Variants in KCNK6 observed in about 807,000 individuals in gnomAD.
KCNK6 encodes potassium two pore domain channel subfamily K member 6.
Under a neutral mutation model 21.9 loss-of-function variants are expected in KCNK6, and 20 were observed. The ratio of observed to expected loss-of-function variants is 0.91; its 90% CI spans 0.64 to 1.32. The LOEUF (loss-of-function observed/expected upper bound fraction) is 1.32, where lower values mean the gene tolerates loss of function less well. KCNK6 is among the 40% of genes most tolerant of loss of function. KCNK6 has a pLI of 0.00. For missense variants in KCNK6, 415 were observed against 433.1 expected (o/e 0.96, Z 0.37); for synonymous variants, 210 against 218.0 (o/e 0.96, Z 0.32).
rs914002336 is a variant in KCNK6, at chr19:38,319,907, C to A, written c.-44C>A. 1.4e-4 allele frequency: 192 copies of A among 1,371,538 alleles called. No individual in the cohort carries two copies. The Middle Eastern group carries it at 2.4e-3, about 17-fold the overall frequency. 85.0% of individuals were successfully genotyped at this position (1,371,538 alleles called of 1,614,324 possible). On this transcript the variant is annotated 5_prime_UTR_variant, in exon 1 of 3. Coordinates refer to ENST00000263372, the MANE Select transcript of KCNK6 (RefSeq NM_004823.3). ...CCAGACGGTCCGGAGGCGGGGGCCA[C>A]GTCAGCGGGGCCACCCAGGGCTCGC...
rs75724541 is a variant in KCNK6, at chr19:38,320,957, C to T, written c.322+685C>T. On this transcript the variant is annotated intron_variant, in intron 1 of 2. Coordinates refer to ENST00000263372, the MANE Select transcript of KCNK6 (RefSeq NM_004823.3). ...AGACCTCCAGCAAGGACCCAGGACA[C>T]GCCACCCTCCAAGGGAGATCCTTGC... Among the ~76,000 whole-genome samples, 397 of 152,250 alleles carry T rather than the reference C, an allele frequency of 2.6e-3. 10 individuals are homozygous for T. In the East Asian group the frequency reaches 0.05, roughly 19 times the overall value.
rs753396263 is a variant in KCNK6, at chr19:38,327,379, C to T, written c.918C>T (p.Thr306=). 9.9e-6 allele frequency: 16 copies of T among 1,610,086 alleles called. No individual in the cohort carries two copies. Among genetic ancestry groups the T allele is most frequent in the East Asian group, 8.9e-5 (4 of 44,894 alleles). ...AGCAACTCTCTGCCAGCTCCCACAC[C>T]GACTACGCTTCCATCCCCAGGTAGC... is the stretch of plus-strand genomic sequence containing the variant. ...SHQQLSASSH[T]DYASIPR Residue 306 remains threonine, a synonymous_variant, in exon 3 of 3, where the codon ACC becomes ACT. Transcript: ENST00000263372.
chr19:38,327,304 G>A lies in KCNK6; in HGVS notation c.843G>A (p.Ala281=), dbSNP rs73041296. 21,490 of 1,613,582 alleles carry A rather than the reference G, an allele frequency of 0.013. 454 individuals are homozygous for A. The highest frequency in any genetic ancestry group is 0.07 in the South Asian group (6,415 of 91,082). Residue 281 remains alanine (A), a synonymous_variant, in exon 3 of 3, where the codon GCG becomes GCA. Transcript: ENST00000263372. ...CTCCGTGCCCTGCCAGTTTCAATGC[G>A]GATGAGGACGATCGGGTGGACATCC... ...LPPPCPASFN[A]DEDDRVDILG...
chr19:38,324,452 T>G (rs1969685703), intron 1 of KCNK6, among the ~76,000 whole-genome samples: 1 of 152,220 alleles, frequency 6.6e-6, no homozygotes, highest in Non-Finnish European at 1.5e-5. Context: ...CTGGTGTTCC[T>G]GCCTAACTCC....
In KCNK6 at chr19:38,319,862, C is replaced by G; in HGVS notation, c.-89C>G. 1.6e-6 allele frequency: 2 copies of G among 1,260,130 alleles called. No individual in the cohort carries two copies. Among genetic ancestry groups the G allele is most frequent in the South Asian group, 4.0e-5 (2 of 49,964 alleles). The allele number at this position is 1,260,130 out of a possible 1,614,324, so 78.1% of individuals were successfully genotyped here. ...CATCTGCTGCCGCGCCTGTAGCACT[C>G]CCGGAACTGGAACTAGGTGCCAGAC... On this transcript the variant is annotated 5_prime_UTR_variant, in exon 1 of 3. Transcript: ENST00000263372.
chr19:38,327,308 G>T lies in KCNK6; in HGVS notation c.847G>T (p.Glu283Ter). 6.2e-7 allele frequency: 1 copy of T among 1,613,600 alleles called. No individual in the cohort carries two copies. The change falls in exon 3 of 3, where the codon GAG (glutamate) becomes TAG (stop). Residue 283 changes from glutamate (E) to a stop codon, truncating the protein, a stop_gained. Transcript: ENST00000263372. LOFTEE classifies it high-confidence loss of function. ...GTGCCCTGCCAGTTTCAATGCGGAT[G>T]AGGACGATCGGGTGGACATCCTGGG... is the stretch of plus-strand genomic sequence containing the variant. ...PPCPASFNAD[E>*]DDRVDILGPQ...
Position 38,327,160 on chromosome 19 carries a change from C to G in KCNK6, c.719-20C>G. On this transcript the variant is annotated intron_variant, in intron 2 of 2. Coordinates refer to ENST00000263372, the MANE Select transcript of KCNK6 (RefSeq NM_004823.3). ...AATCTGAGCCCCAGGATGACCAACG[C>G]CCCTTCTCCGCCTTTACAGTCTACC... 6.2e-7 allele frequency: 1 copy of G among 1,608,216 alleles called. No individual in the cohort carries two copies. The highest frequency in any genetic ancestry group is 2.2e-5 in the East Asian group (1 of 44,878).
Position 38,326,794 on chromosome 19 carries a change from C to T in KCNK6, c.524C>T (p.Ala175Val), listed in dbSNP as rs142538213. 35 of 1,606,282 alleles carry T rather than the reference C, an allele frequency of 2.2e-5. No individual in the cohort carries two copies. The highest frequency in any genetic ancestry group is 2.9e-5 in the Non-Finnish European group (34 of 1,179,996). Reference sequence around the variant, plus strand: ...CGGGCGGCCTGCTGGCACTTGGTGGCCCTGTTGGGGGTCGTAGTGACCGTC... The same window carrying T: ...CGGGCGGCCTGCTGGCACTTGGTGGTCCTGTTGGGGGTCGTAGTGACCGTC... ...PRRAACWHLVALLGVVVTVCF... is the reference protein window; with the variant it reads ...PRRAACWHLVVLLGVVVTVCF... The change falls in exon 2 of 3, where the codon GCC (alanine) becomes GTC (valine). Residue 175 changes from alanine (A) to valine (V), a missense_variant. By Grantham distance (64) the Ala-to-Val change is moderately conservative. Transcript: ENST00000263372.
rs1414967142 is a variant in KCNK6 at position 38,326,893 on chromosome 19, G to C, written c.623G>C (p.Cys208Ser). Residue 208 changes from cysteine to serine, a missense_variant, in exon 2 of 3, where the codon TGC becomes TCC. Transcript: ENST00000263372. ...AWSFLDAFYFCFISLSTIGLG... is the reference protein window; with the variant it reads ...AWSFLDAFYFSFISLSTIGLG... ...AGCTTCTTGGATGCCTTCTACTTCT[G>C]CTTTATCTCTCTGTCCACCATCGGC... The C allele has an allele frequency of 2.5e-6, 4 of 1,611,754 alleles. No individual in the cohort carries two copies. The African/African-American group carries it at 5.3e-5, about 22-fold the overall frequency.
At position 38,327,695 on chromosome 19, in the gene KCNK6, T is replaced by G; in HGVS notation, c.*292T>G. On this transcript the variant is annotated 3_prime_UTR_variant, in exon 3 of 3. Coordinates refer to ENST00000263372, the MANE Select transcript of KCNK6 (RefSeq NM_004823.3). ...TCTGGCATTCTCGCTGCCTCTGTCT[T>G]TCCCTCTTGCTGTCTCTGTTTCTCA... The G allele has an allele frequency of 2.2e-6, 1 of 463,330 alleles. No homozygotes were observed. The highest frequency in any genetic ancestry group is 3.9e-6 in the Non-Finnish European group (1 of 253,256). 28.7% of individuals were successfully genotyped at this position (463,330 alleles called of 1,614,324 possible).
Position 38,320,180 on chromosome 19 carries a change from T to C in KCNK6, c.230T>C (p.Leu77Pro), listed in dbSNP as rs775083474. 58 of 1,600,150 alleles carry C rather than the reference T, an allele frequency of 3.6e-5. No homozygotes were observed. Among genetic ancestry groups the C allele is most frequent in the Non-Finnish European group, 4.9e-5 (58 of 1,179,290 alleles). The change falls in exon 1 of 3, where the codon CTT becomes CCT. Residue 77 changes from leucine to proline, a missense_variant. Transcript: ENST00000263372. ...LAAGRLGRVV[L>P]ANASGSANAS... is the part of the protein sequence containing the mutation. ...GCCGGACGGCTGGGGCGGGTCGTGC[T>C]TGCTAACGCTTCGGGGTCCGCCAAC...
intron 1 of KCNK6, among the ~76,000 whole-genome samples, chr19:38,326,231 C>T (rs188371092): frequency 2.6e-5 from 4 of 152,006 alleles, no homozygotes; most frequent in Non-Finnish European, 4.4e-5. Flanking sequence ...GCAGACCTCT[C>T]GCTGCAGGTG....
chr19:38,320,112 G>A lies in KCNK6; in HGVS notation c.162G>A (p.Val54=). ...AGCTGCTTCAGCGCAGCCCGTGTGT[G>A]GCTGCCCCCGCCCTGGACGCCTTCG... The part of the protein sequence containing the change: ...RAQLLQRSPC[V]AAPALDAFVE... Residue 54 remains valine, a synonymous_variant, in exon 1 of 3, where the codon GTG becomes GTA. Coordinates refer to ENST00000263372, the MANE Select transcript of KCNK6 (RefSeq NM_004823.3). 1 of 1,574,362 alleles carries A rather than the reference G, an allele frequency of 6.4e-7. No individual in the cohort carries two copies. Among genetic ancestry groups the A allele is most frequent in the Non-Finnish European group, 8.6e-7 (1 of 1,167,998 alleles).
Position 38,327,387 on chromosome 19 carries a change from CT to C in KCNK6, c.928del (p.Ser310ProfsTer20). 6.2e-7 allele frequency: 1 copy of C among 1,609,146 alleles called. No individual in the cohort carries two copies. The highest frequency in any genetic ancestry group is 8.5e-7 in the Non-Finnish European group (1 of 1,179,942). On this transcript the variant is annotated frameshift_variant, in exon 3 of 3. Transcript: ENST00000263372. LOFTEE classifies it high-confidence loss of function. ...QLSASSHTDYASIPR is the reference protein window; with the variant it reads ...QLSASSHTDYXSIPR ...TCTGCCAGCTCCCACACCGACTACG[CT>C]TCCATCCCCAGGTAGCTGGGGCAGC...
At chr19:38,320,418 C>A in intron 1 of KCNK6, 146 bp downstream of exon 1, 1 of 859,938 alleles carries the variant, frequency 1.2e-6, no homozygotes, top group Non-Finnish European at 1.7e-6. Flanking sequence ...AGTGAGGACC[C>A]GGGACCCAGG....
rs1211606718 is a variant in KCNK6, at chr19:38,327,319, G to A, written c.858G>A (p.Arg286=). 1 of 1,613,258 alleles carries A rather than the reference G, an allele frequency of 6.2e-7. No homozygotes were observed. The highest frequency in any genetic ancestry group is 2.2e-5 in the East Asian group (1 of 44,898). Residue 286 remains arginine, a synonymous_variant, in exon 3 of 3, where the codon CGG becomes CGA. Coordinates refer to ENST00000263372, the MANE Select transcript of KCNK6 (RefSeq NM_004823.3). ...GTTTCAATGCGGATGAGGACGATCG[G>A]GTGGACATCCTGGGCCCCCAGCCGG... ...PASFNADEDD[R]VDILGPQPES...
At chr19:38,321,404 T>C (rs561703162) in intron 1 of KCNK6, among the ~76,000 whole-genome samples, 1 of 152,190 alleles carries the variant, frequency 6.6e-6, no homozygotes, top group South Asian at 2.1e-4. Flanking sequence ...TGCAGGATTT[T>C]CCTCCCAATA....
chr19:38,327,675 C>G lies in KCNK6; in HGVS notation c.*272C>G. 2.0e-6 allele frequency: 1 copy of G among 500,466 alleles called. No homozygotes were observed. The allele number at this position is 500,466 out of a possible 1,614,324, so 31.0% of individuals were successfully genotyped here. On this transcript the variant is annotated 3_prime_UTR_variant, in exon 3 of 3. Coordinates refer to ENST00000263372, the MANE Select transcript of KCNK6 (RefSeq NM_004823.3). ...ACACTGTGTCTCTCTGGCTCTCTGG[C>G]ATTCTCGCTGCCTCTGTCTTTCCCT...
intron 1 of KCNK6, among the ~76,000 whole-genome samples, chr19:38,324,829 T>A (rs2145040940): frequency 6.6e-6 from 1 of 152,246 alleles, no homozygotes; most frequent in South Asian, 2.1e-4. Context: ...TGGGCTCAAG[T>A]GATCCTCCCA....
Sources: gnomAD v4.1 joint callset for allele counts (sites outside exome capture counted in the v4.1 genomes callset) on GRCh38, gnomAD v4.1.1 for gene constraint, MANE v1.5 for transcripts, NCBI Gene and HGNC (gene_info 2026-07-23, HGNC 2026-07-21) for gene names.